NRXN3: variants seen among roughly 807,000 people sequenced by gnomAD.
NRXN3 encodes the protein neurexin III.
Under a neutral mutation model 137.6 loss-of-function variants are expected in NRXN3, and 32 were observed. The ratio of observed to expected loss-of-function variants is 0.23; its 90% CI spans 0.18 to 0.31. NRXN3 has a LOEUF of 0.31. Ranked by LOEUF, NRXN3 falls within the 10% of genes least tolerant of loss-of-function variation. The pLI is 1.00. For synonymous variants in NRXN3, 798 were observed against 784.5 expected (o/e 1.02, Z -0.29); for missense variants, 1,574 against 2,062.5 (o/e 0.76, Z 4.59).
rs1162153685 is a variant in NRXN3, at chr14:79,617,917, C to CAAAAAAAAAAAAAAAAAAAAA, written c.3445-45846_3445-45845insAAAAAAAAAAAAAAAAAAAAA. Among the ~76,000 whole-genome samples the CAAAAAAAAAAAAAAAAAAAAA allele has an allele frequency of 2.4e-3, 216 of 91,256 alleles. 24 individuals carry two copies. Among genetic ancestry groups the CAAAAAAAAAAAAAAAAAAAAA allele is most frequent in the East Asian group, 0.021 (59 of 2,868 alleles). The allele number at this position is 91,256 out of a possible 152,430, so 59.9% of individuals were successfully genotyped here. A position where few individuals can be genotyped will look rare whatever the true frequency, so the allele number is the denominator to read the frequency against. On this transcript the variant is annotated intron_variant, in intron 16 of 20. Coordinates refer to ENST00000335750, the MANE Select transcript of NRXN3 (RefSeq NM_001330195.2). ...TTCAGAGATAGGAGCTGAATAGCAG[C>CAAAAAAAAAAAAAAAAAAAAA]AAAAAAAAAAAAAAACATGCTTATG...
chr14:79,024,553 G>T (rs966309437), intron 15 of NRXN3, among the ~76,000 whole-genome samples: 1 of 152,118 alleles, frequency 6.6e-6, no homozygotes, highest in African/African-American at 2.4e-5. Context: ...ATAGAAATGG[G>T]TAAGTTTTGT....
chr14:79,426,956 A>G (rs1416790031), intron 15 of NRXN3, among the ~76,000 whole-genome samples: 1 of 152,174 alleles, frequency 6.6e-6, no homozygotes, highest in Non-Finnish European at 1.5e-5. Flanking sequence ...TGGGTTTCCA[A>G]AAAATATATA....
chr14:78,386,001 C>A (rs2110426), intron 4 of NRXN3, among the ~76,000 whole-genome samples: 68,166 of 151,734 alleles, frequency 0.45, 15,472 homozygotes, highest in Middle Eastern at 0.58. Flanking sequence ...TTCCTTTTTT[C>A]CTTCTATAAG....
intron 4 of NRXN3, among the ~76,000 whole-genome samples, chr14:78,365,838 C>T (rs896901342): frequency 6.6e-6 from 1 of 152,166 alleles, no homozygotes; most frequent in African/African-American, 2.4e-5. Flanking sequence ...GTGAACAAAA[C>T]AGATACAAAT....
chr14:78,316,916 G>C (rs911461987), intron 4 of NRXN3, among the ~76,000 whole-genome samples: 1 of 152,186 alleles, frequency 6.6e-6, no homozygotes, highest in Non-Finnish European at 1.5e-5. Context: ...GTAAGTGAGA[G>C]AGAGTAACAC....
At chr14:78,560,258 T>C (rs758499382) in intron 4 of NRXN3, among the ~76,000 whole-genome samples, 19 of 152,176 alleles carry the variant, frequency 1.2e-4, no homozygotes, top group Non-Finnish European at 2.6e-4. Flanking sequence ...AACCAAACTT[T>C]TGAACATACT....
chr14:79,522,896 C>T (rs1388397492), intron 16 of NRXN3, among the ~76,000 whole-genome samples: 1 of 152,134 alleles, frequency 6.6e-6, no homozygotes, highest in Non-Finnish European at 1.5e-5. Context: ...CAGCTATATG[C>T]AAAATAGGTC....
intron 10 of NRXN3, among the ~76,000 whole-genome samples, chr14:78,913,264 TTCTTTCTTTC>T (rs1483386614): frequency 0.011 from 1,218 of 108,516 alleles, 23 homozygotes; most frequent in African/African-American, 0.022. Context: ...CTTTCTTTCT[TTCTTTCTTTC>T]TTTTTTTTTT....
intron 10 of NRXN3, among the ~76,000 whole-genome samples, chr14:78,907,405 G>A (rs2099221315): frequency 6.6e-6 from 1 of 151,994 alleles, no homozygotes; most frequent in South Asian, 2.1e-4. Context: ...GTCTAAAGGG[G>A]AAATTAAGTA....
intron 10 of NRXN3, among the ~76,000 whole-genome samples, chr14:78,945,045 C>T (rs984785294): frequency 1.1e-4 from 16 of 152,126 alleles, no homozygotes; most frequent in Non-Finnish European, 2.2e-4. Flanking sequence ...CTATTTTATG[C>T]ATATAGACGA....
At chr14:78,414,014 C>G (rs1266158735) in intron 4 of NRXN3, among the ~76,000 whole-genome samples, 2 of 152,162 alleles carry the variant, frequency 1.3e-5, no homozygotes, top group African/African-American at 4.8e-5. Context: ...TGCACATGCC[C>G]TCTTGCCTGT....
chr14:79,572,722 A>T (rs2097619747), intron 16 of NRXN3: 1 of 152,228 alleles, frequency 6.6e-6, no homozygotes, highest in Non-Finnish European at 1.5e-5. Flanking sequence ...CATTCTAGAA[A>T]GAAGACATGT....
chr14:79,226,763 G>A (rs2070940016), intron 15 of NRXN3, among the ~76,000 whole-genome samples: 1 of 149,330 alleles, frequency 6.7e-6, no homozygotes, highest in Admixed American at 6.7e-5. Flanking sequence ...GTTTTCCAAT[G>A]CAGATTTCAG....
intron 15 of NRXN3, among the ~76,000 whole-genome samples, chr14:79,017,725 TG>T (rs2152426669): frequency 6.6e-6 from 1 of 152,218 alleles, no homozygotes; most frequent in African/African-American, 2.4e-5. Flanking sequence ...GCAAAGACTT[TG>T]GGGATTGATG....
chr14:78,411,796 C>G (rs182065183), intron 4 of NRXN3, among the ~76,000 whole-genome samples: 6 of 152,242 alleles, frequency 3.9e-5, no homozygotes, highest in African/African-American at 1.2e-4. Flanking sequence ...TTGTTTTTTC[C>G]AAGGGTTGAC....
chr14:78,332,600 C>T lies in NRXN3; in HGVS notation c.757+34740C>T, dbSNP rs990470551. On this transcript the variant is annotated intron_variant, in intron 4 of 20. Transcript: ENST00000335750. ...AAGTGTTGGGATTACAGGAGTGAGC[C>T]GCTGCACCCAGCCTGTACCATATTT... 7.2e-5 allele frequency among the ~76,000 whole-genome samples: 11 copies of T among 152,128 alleles called. No individual in the cohort carries two copies. In the East Asian group the frequency reaches 7.7e-4, roughly 11 times the overall value.
At chr14:79,772,819 C>G (rs2099083252) in intron 19 of NRXN3, among the ~76,000 whole-genome samples, 1 of 152,136 alleles carries the variant, frequency 6.6e-6, no homozygotes. Context: ...GCAGAAGAAA[C>G]TACCATCAGA....
At chr14:78,287,925 C>T (rs573131190) in intron 3 of NRXN3, among the ~76,000 whole-genome samples, 6 of 152,154 alleles carry the variant, frequency 3.9e-5, no homozygotes, top group Non-Finnish European at 8.8e-5. Flanking sequence ...ACACCACATA[C>T]AGTATTATGA....
intron 16 of NRXN3, among the ~76,000 whole-genome samples, chr14:79,505,035 C>A (rs1489087377): frequency 6.6e-6 from 1 of 151,850 alleles, no homozygotes. Context: ...AACAACATGG[C>A]GAAAGCCCAT....
Sources: gnomAD v4.1 joint callset for allele counts (sites outside exome capture counted in the v4.1 genomes callset) on GRCh38, gnomAD v4.1.1 for gene constraint, MANE v1.5 for transcripts, NCBI Gene and HGNC (gene_info 2026-07-23, HGNC 2026-07-21) for gene names.